UBE3A: variants seen among roughly 807,000 people sequenced by gnomAD.
UBE3A encodes the protein ubiquitin protein ligase E3A, also known as ubiquitin-protein ligase E3A.
UBE3A carries 6 observed loss-of-function variants against 83.4 expected under a neutral mutation model. The ratio of observed to expected loss-of-function variants is 0.07; its 90% CI spans 0.04 to 0.14. The LOEUF (loss-of-function observed/expected upper bound fraction) is 0.14. UBE3A is among the 10% of genes least tolerant of loss of function. UBE3A has a pLI of 1.00. For synonymous variants in UBE3A, 337 were observed against 355.4 expected (o/e 0.95, Z 0.58); for missense variants, 456 against 1,036.1 (o/e 0.44, Z 7.69).
rs1941259934 is a variant in UBE3A at position 25,336,719 on chromosome 15, T to C, written c.*2418A>G. The C allele has an allele frequency of 6.6e-6, 1 of 152,146 alleles. No individual in the cohort carries two copies. Among genetic ancestry groups the C allele is most frequent in the South Asian group, 2.1e-4 (1 of 4,828 alleles). The allele number at this position is 152,146 out of a possible 1,614,324, so 9.4% of individuals were successfully genotyped here. A position where few individuals can be genotyped will look rare whatever the true frequency, so the allele number is the denominator to read the frequency against. ...TTTTATGTATGTTTGAAATGTTCTATAATAATAAAAGGTTAAAAAAGTTTA... is the reference window on the plus strand; with the variant it reads ...TTTTATGTATGTTTGAAATGTTCTACAATAATAAAAGGTTAAAAAAGTTTA... On this transcript the variant is annotated 3_prime_UTR_variant, in exon 13 of 13. Coordinates refer to ENST00000648336, the MANE Select transcript of UBE3A (RefSeq NM_130839.5).
In UBE3A at chr15:25,335,118, C is replaced by T. The variant is rs1288139431; in HGVS notation, c.*4019G>A. 6.6e-6 allele frequency: 1 copy of T among 151,972 alleles called. No individual in the cohort carries two copies. The highest frequency in any genetic ancestry group is 2.4e-5 in the African/African-American group (1 of 41,342). The allele number at this position is 151,972 out of a possible 1,614,324, so 9.4% of individuals were successfully genotyped here. A position where few individuals can be genotyped will look rare whatever the true frequency, so the allele number is the denominator to read the frequency against. ...ATGTGGAAAGAGTATCAAGAGGAGA[C>T]CCTAAGACACTCTGTAAGAATCCCA... is the stretch of plus-strand genomic sequence containing the variant. On this transcript the variant is annotated 3_prime_UTR_variant, in exon 13 of 13. Coordinates refer to ENST00000648336, the MANE Select transcript of UBE3A (RefSeq NM_130839.5).
At chr15:25,415,331 TTTTA>T (rs1416505590) in intron 1 of UBE3A, among the ~76,000 whole-genome samples, 29 of 152,182 alleles carry the variant, frequency 1.9e-4, no homozygotes, top group Admixed American at 7.2e-4. Context: ...CTCCTTCACA[TTTTA>T]TTTGAGGCCC....
chr15:25,387,488 C>T (rs367737032), intron 4 of UBE3A, among the ~76,000 whole-genome samples: 19 of 151,878 alleles, frequency 1.3e-4, no homozygotes, highest in African/African-American at 4.1e-4. Flanking sequence ...AGCCACTGCA[C>T]TCCAGCCTGG....
At chr15:25,346,900 G>C (rs1207300988) in intron 11 of UBE3A, 2 of 152,170 alleles carry the variant, frequency 1.3e-5, no homozygotes, top group African/African-American at 2.4e-5. Flanking sequence ...ATGGAGAAAA[G>C]AGTGACGCTG....
intron 5 of UBE3A, chr15:25,374,433 A>G (rs1393698991): frequency 6.6e-6 from 1 of 152,266 alleles, no homozygotes; most frequent in Non-Finnish European, 1.5e-5. Flanking sequence ...TGTGTACAAT[A>G]AAGTCAATGC....
Position 25,409,049 on chromosome 15 carries a change from T to C in UBE3A, c.20+39A>G. ...TTACAGTATGTATTTCACTTTACAA[T>C]GACAGCCTTTTAAAGGCTGTAAAAT... is the stretch of plus-strand genomic sequence containing the variant. On this transcript the variant is annotated intron_variant, in intron 3 of 12. Coordinates refer to ENST00000648336, the MANE Select transcript of UBE3A (RefSeq NM_130839.5). 3 of 1,565,916 alleles carry C rather than the reference T, an allele frequency of 1.9e-6. No homozygotes were observed. In the South Asian group the frequency reaches 3.5e-5, roughly 18 times the overall value.
intron 1 of UBE3A, among the ~76,000 whole-genome samples, chr15:25,432,935 G>C (rs1338064472): frequency 6.6e-6 from 1 of 152,018 alleles, no homozygotes; most frequent in Non-Finnish European, 1.5e-5. Flanking sequence ...ATGAACTATA[G>C]GAATAATCTT....
In UBE3A at chr15:25,375,615, C is replaced by G. The variant is rs1207660411; in HGVS notation, c.211G>C (p.Glu71Gln). Reference protein sequence around the residue: ...DNNAAAIKALELYKINAKLCD... With the variant: ...DNNAAAIKALQLYKINAKLCD... ...AGTTTTGCATTAATCTTATAAAGCT[C>G]GAGGGCTTTAATAGCTGCTGCATTA... Residue 71 changes from glutamate (E) to glutamine (Q), a missense_variant, in exon 5 of 13, where the codon GAG becomes CAG. Coordinates refer to ENST00000648336, the MANE Select transcript of UBE3A (RefSeq NM_130839.5). The G allele has an allele frequency of 2.5e-6, 4 of 1,614,016 alleles. No homozygotes were observed. In the South Asian group the frequency reaches 4.4e-5, roughly 18 times the overall value.
At chr15:25,355,767 C>T in intron 9 of UBE3A, 125 bp downstream of exon 9, 2 of 997,516 alleles carry the variant, frequency 2.0e-6, no homozygotes, top group Non-Finnish European at 2.9e-6. Context: ...CTAGCATTTA[C>T]ATAAACTTAG....
intron 2 of UBE3A, among the ~76,000 whole-genome samples, chr15:25,409,640 A>AT (rs1162325384): frequency 2.0e-5 from 3 of 152,076 alleles, no homozygotes; most frequent in Non-Finnish European, 4.4e-5. Context: ...CAAGGGATGG[A>AT]TTTTTTTGTT....
At chr15:25,425,345 T>C (rs985444111) in intron 1 of UBE3A, among the ~76,000 whole-genome samples, 1 of 152,138 alleles carries the variant, frequency 6.6e-6, no homozygotes, top group Non-Finnish European at 1.5e-5. Flanking sequence ...GGATTTATTT[T>C]GGGGATGATG....
At chr15:25,405,544 A>G in intron 3 of UBE3A, 42 bp from the exon 4 acceptor site, 1 of 1,601,248 alleles carries the variant, frequency 6.2e-7, no homozygotes, top group Non-Finnish European at 8.5e-7. Flanking sequence ...AATATTCCAT[A>G]TTCCAAAAAA....
intron 1 of UBE3A, among the ~76,000 whole-genome samples, chr15:25,433,330 T>C (rs1420339007): frequency 1.3e-5 from 2 of 151,976 alleles, no homozygotes; most frequent in Non-Finnish European, 2.9e-5. Context: ...ACTACAGGCA[T>C]GCGCCACCAC....
chr15:25,391,673 T>C (rs1025828400), intron 4 of UBE3A: 1 of 152,054 alleles, frequency 6.6e-6, no homozygotes, highest in Non-Finnish European at 1.5e-5. Flanking sequence ...CAAGAGGGAA[T>C]TGTAGCTGGA....
intron 1 of UBE3A, among the ~76,000 whole-genome samples, chr15:25,432,503 T>C (rs1893762465): frequency 6.6e-6 from 1 of 152,194 alleles, no homozygotes; most frequent in Non-Finnish European, 1.5e-5. Flanking sequence ...CAAGAGTGCT[T>C]GTCTTAAATA....
At chr15:25,425,320 G>A (rs1891018684) in intron 1 of UBE3A, among the ~76,000 whole-genome samples, 1 of 152,164 alleles carries the variant, frequency 6.6e-6, no homozygotes, top group South Asian at 2.1e-4. Flanking sequence ...ATGGGGAATG[G>A]CTGCTAACAG....
At chr15:25,346,333 C>T (rs2075683946) in intron 11 of UBE3A, 1 of 152,434 alleles carries the variant, frequency 6.6e-6, no homozygotes, top group South Asian at 2.1e-4. Flanking sequence ...CAAAACAGCA[C>T]CATAAAGCCT....
At position 25,418,549 on chromosome 15, in the gene UBE3A, AAG is replaced by A. The variant is rs1363017412; in HGVS notation, c.-164-6580_-164-6579del. The A allele has an allele frequency of 1.7e-4, 26 of 152,282 alleles. No homozygotes were observed. The East Asian group carries it at 2.9e-3, about 17-fold the overall frequency. The allele number at this position is 152,282 out of a possible 1,614,324, so 9.4% of individuals were successfully genotyped here. Reference sequence around the variant, plus strand: ...ACTCTACTTACATAAAGTTCTGCGCAAGCTAAACTAAGATGAAAACAATCTGA... The same window carrying A: ...ACTCTACTTACATAAAGTTCTGCGCACTAAACTAAGATGAAAACAATCTGA... On this transcript the variant is annotated intron_variant, in intron 1 of 12. Coordinates refer to ENST00000648336, the MANE Select transcript of UBE3A (RefSeq NM_130839.5).
chr15:25,421,576 T>C (rs1244331009), intron 1 of UBE3A, among the ~76,000 whole-genome samples: 4 of 151,820 alleles, frequency 2.6e-5, no homozygotes, highest in African/African-American at 9.7e-5. Context: ...CAATGAAGAG[T>C]TACTGTTTAA....
Sources: gnomAD v4.1 joint callset for allele counts (sites outside exome capture counted in the v4.1 genomes callset) on GRCh38, gnomAD v4.1.1 for gene constraint, MANE v1.5 for transcripts, NCBI Gene and HGNC (gene_info 2026-07-23, HGNC 2026-07-21) for gene names.